The following MAST4 variants were observed in gnomAD, a reference collection of about 807,000 sequenced individuals.
MAST4 encodes the protein microtubule-associated serine/threonine-protein kinase 4.
A neutral mutation model predicts 162.7 loss-of-function variants in MAST4; 89 were observed. That is an observed-to-expected ratio of 0.55 (90% CI 0.46 to 0.65). The LOEUF is 0.65. Ranked by LOEUF, MAST4 falls within the 30% of genes least tolerant of loss-of-function variation. The pLI, the probability that MAST4 is intolerant of heterozygous loss-of-function variation, is 0.00. For missense variants in MAST4, 3,153 were observed against 3,374.0 expected (o/e 0.93, Z 1.62); for synonymous variants, 1,479 against 1,361.1 (o/e 1.09, Z -1.91).
At chr5:66,917,594 C>CTTTTT (rs59415824) in intron 4 of MAST4, among the ~76,000 whole-genome samples, 1 of 127,824 alleles carries the variant, frequency 7.8e-6, no homozygotes, top group African/African-American at 2.6e-5. Flanking sequence ...GATTCTCTTT[C>CTTTTT]TTTTTTTTTT....
intron 4 of MAST4, among the ~76,000 whole-genome samples, chr5:66,971,654 A>G (rs2150200947): frequency 6.6e-6 from 1 of 152,230 alleles, no homozygotes; most frequent in South Asian, 2.1e-4. Flanking sequence ...TTTGTTTTTG[A>G]ATATATTGAA....
intron 3 of MAST4, among the ~76,000 whole-genome samples, chr5:66,874,685 C>G (rs939351263): frequency 6.6e-6 from 1 of 152,160 alleles, no homozygotes; most frequent in African/African-American, 2.4e-5. Context: ...TGGTTTCGGT[C>G]TGCTGTAGGG....
intron 3 of MAST4, among the ~76,000 whole-genome samples, chr5:66,845,083 C>CTT (rs1554058446): frequency 4.6e-5 from 2 of 43,398 alleles, no homozygotes; most frequent in African/African-American, 1.2e-4. Context: ...GGTCACTAAT[C>CTT]TTTATATATA....
At chr5:66,711,019 G>A (rs1750463979) in intron 1 of MAST4, among the ~76,000 whole-genome samples, 1 of 152,144 alleles carries the variant, frequency 6.6e-6, no homozygotes, top group South Asian at 2.1e-4. Context: ...CCTCTTCCCT[G>A]AGATGAACAC....
At chr5:66,662,440 T>C (rs1398425096) in intron 1 of MAST4, 1 of 152,192 alleles carries the variant, frequency 6.6e-6, no homozygotes, top group Non-Finnish European at 1.5e-5. Flanking sequence ...ATTTCCATCA[T>C]GTAAAGTACC....
chr5:67,134,566 G>A lies in MAST4; in HGVS notation c.2270G>A (p.Arg757Lys). ...TACATTGCACCAGAAGTGATTCTGA[G>A]GCAGGGTTATGGAAAGCCGGTGGAC... ...PEYIAPEVIL[R>K]QGYGKPVDWW... The change falls in exon 18 of 29, where the codon AGG becomes AAG. Residue 757 changes from arginine to lysine, a missense_variant. Around this residue, in one of 7 missense-constraint regions of MAST4, gnomAD observed 131 missense variants for 253.8 expected, o/e 0.52. Transcript: ENST00000403625. 1 of 1,613,686 alleles carries A rather than the reference G, an allele frequency of 6.2e-7. No individual in the cohort carries two copies. Among genetic ancestry groups the A allele is most frequent in the Non-Finnish European group, 8.5e-7 (1 of 1,179,684 alleles).
intron 4 of MAST4, among the ~76,000 whole-genome samples, chr5:67,052,392 T>G (rs1311214063): frequency 6.6e-6 from 1 of 152,160 alleles, no homozygotes; most frequent in Non-Finnish European, 1.5e-5. Flanking sequence ...AAATCACTTT[T>G]CTACCCCTTT....
At chr5:66,748,608 C>A (rs1325685887) in intron 1 of MAST4, among the ~76,000 whole-genome samples, 1 of 151,464 alleles carries the variant, frequency 6.6e-6, no homozygotes. Flanking sequence ...CCTGCCTCAG[C>A]CTCCCAAGTA....
At chr5:66,993,153 T>C (rs1007119471) in intron 4 of MAST4, among the ~76,000 whole-genome samples, 1 of 152,240 alleles carries the variant, frequency 6.6e-6, no homozygotes, top group Non-Finnish European at 1.5e-5. Flanking sequence ...TTGATCATTT[T>C]ATTACTCATT....
At chr5:67,016,537 T>C (rs1463065879) in intron 4 of MAST4, among the ~76,000 whole-genome samples, 1 of 152,186 alleles carries the variant, frequency 6.6e-6, no homozygotes, top group Non-Finnish European at 1.5e-5. Context: ...GAGTGAAAAA[T>C]AGAAGTAGGT....
chr5:66,980,243 A>G lies in MAST4; in HGVS notation c.675-74161A>G, dbSNP rs1182798378. ...CTGGTGAGTAGAGCCAGCTGCAGCC[A>G]CAATGCTAGATGCATGACAACGCCT... On this transcript the variant is annotated intron_variant, in intron 4 of 28. Transcript: ENST00000403625. Among the ~76,000 whole-genome samples, 3 of 152,348 alleles carry G rather than the reference A, an allele frequency of 2.0e-5. No individual in the cohort carries two copies. In the South Asian group the frequency reaches 6.2e-4, roughly 32 times the overall value.
At chr5:67,109,308 C>G (rs926261117) in intron 10 of MAST4, among the ~76,000 whole-genome samples, 1 of 151,970 alleles carries the variant, frequency 6.6e-6, no homozygotes, top group African/African-American at 2.4e-5. Flanking sequence ...AACATGATAA[C>G]ACAAGTGGAA....
intron 3 of MAST4, among the ~76,000 whole-genome samples, chr5:66,846,257 A>T (rs1250415435): frequency 6.6e-6 from 1 of 152,202 alleles, no homozygotes; most frequent in Non-Finnish European, 1.5e-5. Context: ...TGACAAGTTC[A>T]GTAGAAGTTG....
chr5:66,828,959 T>C, intron 3 of MAST4: 1 of 1,160,420 alleles, frequency 8.6e-7, no homozygotes, highest in Non-Finnish European at 1.3e-6. Context: ...CCCTTGTCAT[T>C]CCTTTACTGG....
intron 1 of MAST4, among the ~76,000 whole-genome samples, chr5:66,702,770 G>A (rs1356162114): frequency 6.6e-6 from 1 of 152,154 alleles, no homozygotes; most frequent in South Asian, 2.1e-4. Context: ...AGGACCTTGA[G>A]GCCATTGTTA....
intron 4 of MAST4, among the ~76,000 whole-genome samples, chr5:66,961,183 C>A (rs1745963565): frequency 6.6e-6 from 1 of 152,146 alleles, no homozygotes; most frequent in Non-Finnish European, 1.5e-5. Flanking sequence ...ATTCTGCAGT[C>A]TTTGAGTAAA....
chr5:66,875,787 G>A (rs1761259032), intron 3 of MAST4, among the ~76,000 whole-genome samples: 2 of 152,160 alleles, frequency 1.3e-5, no homozygotes, highest in African/African-American at 4.8e-5. Flanking sequence ...TAGAGACAGA[G>A]TCTCACTTTG....
chr5:67,034,994 C>T lies in MAST4; in HGVS notation c.675-19410C>T, dbSNP rs532712721. 3.9e-5 allele frequency among the ~76,000 whole-genome samples: 6 copies of T among 152,258 alleles called. No individual in the cohort carries two copies. The South Asian group carries it at 1.0e-3, about 26-fold the overall frequency. The stretch of plus-strand genomic sequence containing the variant: ...GTGAACCATAGAGACATAGAGATAA[C>T]CTGCATTCACTTTCAAATCTCTGCA... On this transcript the variant is annotated intron_variant, in intron 4 of 28. Coordinates refer to ENST00000403625, the MANE Select transcript of MAST4 (RefSeq NM_001164664.2).
At chr5:66,680,763 G>A (rs994385259) in intron 1 of MAST4, among the ~76,000 whole-genome samples, 1 of 152,186 alleles carries the variant, frequency 6.6e-6, no homozygotes, top group African/African-American at 2.4e-5. Flanking sequence ...AAACCCGAGG[G>A]AGAAAGAGTA....
Sources: allele counts gnomAD v4.1 joint callset (sites outside exome capture counted in the v4.1 genomes callset), GRCh38; gene constraint gnomAD v4.1.1; regional missense constraint gnomAD v4.1.1; transcripts MANE v1.5; gene names NCBI Gene and HGNC (gene_info 2026-07-23, HGNC 2026-07-21).